MTA3: variants seen among roughly 807,000 people sequenced by gnomAD.
MTA3 encodes the protein metastasis-associated protein MTA3.
In MTA3, 34 loss-of-function variants were observed where a neutral mutation model predicts 83.5. That is an observed-to-expected ratio of 0.41 (90% CI 0.31 to 0.54). MTA3 has a LOEUF of 0.54. Among genes scored for constraint, MTA3 ranks in the 20% least tolerant of loss-of-function variants. MTA3 has a pLI of 0.33. For missense variants in MTA3, 761 were observed against 726.4 expected (o/e 1.05, Z -0.55); for synonymous variants, 303 against 252.7 (o/e 1.20, Z -1.89).
intron 16 of MTA3, among the ~76,000 whole-genome samples, chr2:42,728,034 A>G (rs1040111718): frequency 6.6e-6 from 1 of 152,176 alleles, no homozygotes; most frequent in Admixed American, 6.5e-5. Context: ...TAGCTATCAA[A>G]TACTAGATCT....
chr2:42,581,385 T>TC (rs1175789538), intron 3 of MTA3, among the ~76,000 whole-genome samples: 14 of 141,664 alleles, frequency 9.9e-5, no homozygotes, highest in East Asian at 2.0e-4. Context: ...TTTTTTTTTT[T>TC]CGGAGACAGG....
At chr2:42,594,339 C>T (rs1382173631) in intron 3 of MTA3, among the ~76,000 whole-genome samples, 1 of 146,862 alleles carries the variant, frequency 6.8e-6, no homozygotes, top group East Asian at 2.0e-4. Context: ...CGGGCTCAAG[C>T]AATTCTTATG....
chr2:42,723,223 C>G (rs1667555324), intron 16 of MTA3, 188 bp downstream of exon 16: 1 of 661,838 alleles, frequency 1.5e-6, no homozygotes. Flanking sequence ...TCCATCCCAT[C>G]AGGAGGTACT....
chr2:42,753,591 G>A lies in MTA3; in HGVS notation c.*192G>A, dbSNP rs1670042007. On this transcript the variant is annotated 3_prime_UTR_variant, in exon 17 of 17. Coordinates refer to ENST00000405094, the MANE Select transcript of MTA3 (RefSeq NM_001330442.2). ...CGTTCCAAATCCTGTGTCTCCACGT[G>A]TGGATCAGCAGCACCTCGCTTTCTT... 5.0e-6 allele frequency: 7 copies of A among 1,401,902 alleles called. No individual in the cohort carries two copies. The highest frequency in any genetic ancestry group is 6.5e-6 in the Non-Finnish European group (7 of 1,078,032). 86.8% of individuals were successfully genotyped at this position (1,401,902 alleles called of 1,614,324 possible).
At chr2:42,700,243 G>C (rs758629380) in intron 11 of MTA3, among the ~76,000 whole-genome samples, 5 of 151,510 alleles carry the variant, frequency 3.3e-5, no homozygotes, top group Non-Finnish European at 7.4e-5. Flanking sequence ...AGTGAGGGAA[G>C]GTTTGAGCGT....
At chr2:42,509,708 C>T (rs1482486034) in intron 2 of MTA3, among the ~76,000 whole-genome samples, 1 of 151,776 alleles carries the variant, frequency 6.6e-6, no homozygotes, top group Admixed American at 6.6e-5. Flanking sequence ...GGGGTTGAGG[C>T]TGCAGTGAGC....
At chr2:42,639,342 C>G (rs1687492303) in intron 4 of MTA3, among the ~76,000 whole-genome samples, 1 of 151,906 alleles carries the variant, frequency 6.6e-6, no homozygotes, top group African/African-American at 2.4e-5. Flanking sequence ...TTTAAAGAAA[C>G]ATTGTGTGAG....
At chr2:42,600,838 G>T (rs1682477506) in intron 3 of MTA3, among the ~76,000 whole-genome samples, 1 of 152,068 alleles carries the variant, frequency 6.6e-6, no homozygotes, top group South Asian at 2.1e-4. Context: ...ACTGTGATTA[G>T]CTCAATGGTT....
chr2:42,678,532 T>C (rs1307977928), intron 8 of MTA3, among the ~76,000 whole-genome samples: 1 of 152,088 alleles, frequency 6.6e-6, no homozygotes. Context: ...TTTCACCATA[T>C]TGGCCAGGCT....
At chr2:42,677,861 G>T (rs1025107649) in intron 8 of MTA3, among the ~76,000 whole-genome samples, 7 of 152,102 alleles carry the variant, frequency 4.6e-5, no homozygotes, top group Non-Finnish European at 5.9e-5. Flanking sequence ...AATACAGTGC[G>T]CTCCCTCCCT....
intron 3 of MTA3, among the ~76,000 whole-genome samples, chr2:42,584,941 T>C (rs1429951138): frequency 6.6e-6 from 1 of 151,964 alleles, no homozygotes; most frequent in Non-Finnish European, 1.5e-5. Context: ...TAAGATTTTT[T>C]TTTTTTTTGA....
At chr2:42,512,123 CTT>C (rs1266965985) in intron 2 of MTA3, among the ~76,000 whole-genome samples, 3 of 150,584 alleles carry the variant, frequency 2.0e-5, no homozygotes, top group Non-Finnish European at 1.5e-5. Flanking sequence ...GGGTTTTTTT[CTT>C]TTTCTTTTTC....
Position 42,707,896 on chromosome 2 carries a change from G to C in MTA3, c.1151-7G>C. 3 of 1,529,210 alleles carry C rather than the reference G, an allele frequency of 2.0e-6. No individual in the cohort carries two copies. Among genetic ancestry groups the C allele is most frequent in the African/African-American group, 2.8e-5 (2 of 71,272 alleles). The allele number at this position is 1,529,210 out of a possible 1,614,324, so 94.7% of individuals were successfully genotyped here. ...TTTCGTTTTTTCTTATTTTTCTTCT[G>C]CTTTAGCTACACAGTCTCACCAGTG... is the stretch of plus-strand genomic sequence containing the variant. On this transcript the variant is annotated splice_polypyrimidine_tract_variant and splice_region_variant and intron_variant, in intron 12 of 16. Coordinates refer to ENST00000405094, the MANE Select transcript of MTA3 (RefSeq NM_001330442.2).
At chr2:42,544,467 CAAAAACA>C (rs1676665928) in intron 2 of MTA3, among the ~76,000 whole-genome samples, 1 of 143,296 alleles carries the variant, frequency 7.0e-6, no homozygotes, top group African/African-American at 2.6e-5. Flanking sequence ...AAAACAAAAA[CAAAAACA>C]AAAAAAAAAA....
At chr2:42,575,121 G>A (rs1045174083) in intron 2 of MTA3, among the ~76,000 whole-genome samples, 1 of 152,174 alleles carries the variant, frequency 6.6e-6, no homozygotes, top group African/African-American at 2.4e-5. Context: ...CTGAAAGCAG[G>A]TGGGAGCTCT....
chr2:42,658,529 G>A (rs866584314), intron 7 of MTA3, among the ~76,000 whole-genome samples: 6 of 152,112 alleles, frequency 3.9e-5, no homozygotes, highest in East Asian at 1.9e-4. Context: ...ACCCACAAAC[G>A]TAATTTTAAT....
At position 42,708,970 on chromosome 2, in the gene MTA3, G is replaced by A. The variant is rs757050867; in HGVS notation, c.1399G>A (p.Ala467Thr). 6.2e-7 allele frequency: 1 copy of A among 1,614,012 alleles called. No individual in the cohort carries two copies. The highest frequency in any genetic ancestry group is 1.1e-5 in the South Asian group (1 of 91,082). Residue 467 changes from alanine to threonine, a missense_variant, in exon 14 of 17, where the codon GCT (alanine) becomes ACT (threonine). By Grantham distance (58) the Ala-to-Thr change is moderately conservative. Coordinates refer to ENST00000405094, the MANE Select transcript of MTA3 (RefSeq NM_001330442.2). Reference sequence around the variant, plus strand: ...AAAGTCTGCAGTGAAGACCCGCCAAGCTTTCTTCCTTCATACTACATATTT... The same window carrying A: ...AAAGTCTGCAGTGAAGACCCGCCAAACTTTCTTCCTTCATACTACATATTT... ...SPKSAVKTRQAFFLHTTYFTK... is the reference protein window; with the variant it reads ...SPKSAVKTRQTFFLHTTYFTK...
chr2:42,692,839 G>A (rs1049099542), intron 9 of MTA3, among the ~76,000 whole-genome samples: 1 of 152,192 alleles, frequency 6.6e-6, no homozygotes, highest in African/African-American at 2.4e-5. Flanking sequence ...GATGATGCTT[G>A]TAGATGTTCG....
intron 4 of MTA3, among the ~76,000 whole-genome samples, chr2:42,626,357 G>T (rs1406082322): frequency 6.6e-6 from 1 of 151,642 alleles, no homozygotes; most frequent in Non-Finnish European, 1.5e-5. Flanking sequence ...GAGTGCAGTG[G>T]TGTAATCTCG....
Sources: gnomAD v4.1 joint callset for allele counts (sites outside exome capture counted in the v4.1 genomes callset) on GRCh38, gnomAD v4.1.1 for gene constraint, MANE v1.5 for transcripts, NCBI Gene and HGNC (gene_info 2026-07-23, HGNC 2026-07-21) for gene names.